KLRG1: variants seen among roughly 807,000 people sequenced by gnomAD.
KLRG1 encodes killer cell lectin-like receptor subfamily G member 1.
In KLRG1, 16 loss-of-function variants were observed where a neutral mutation model predicts 21.8. The ratio of observed to expected loss-of-function variants is 0.73; its 90% CI spans 0.50 to 1.11. The LOEUF (loss-of-function observed/expected upper bound fraction) is 1.11. Among genes scored for constraint, KLRG1 ranks in the 50% most tolerant of loss-of-function variants. The probability of loss-of-function intolerance (pLI) is 0.00; values close to 1 mark genes in which losing one functional copy is unlikely to be tolerated. For missense variants in KLRG1, 173 were observed against 218.3 expected (o/e 0.79, Z 1.31); for synonymous variants, 69 against 75.9 (o/e 0.91, Z 0.47).
At chr12:9,132,616 A>G in the KLRG1 span, among the ~76,000 whole-genome samples, 1 of 152,184 alleles carries the variant, frequency 6.6e-6, no homozygotes, top group Non-Finnish European at 1.5e-5. Flanking sequence ...CAGGGGGCTA[A>G]TTCAGTGTTC....
chr12:9,006,495 G>A (rs185617901), intron 3 of KLRG1, among the ~76,000 whole-genome samples: 1 of 152,332 alleles, frequency 6.6e-6, no homozygotes, highest in Non-Finnish European at 1.5e-5. Flanking sequence ...TGAGTAAATG[G>A]TTAGTAGGGG....
At chr12:8,959,693 G>A (rs1359953575) in intron 1 of KLRG1, among the ~76,000 whole-genome samples, 1 of 152,124 alleles carries the variant, frequency 6.6e-6, no homozygotes, top group Admixed American at 6.5e-5. Flanking sequence ...CTCTATTTAT[G>A]TAGGCCTTAA....
the KLRG1 span, among the ~76,000 whole-genome samples, chr12:9,112,974 C>G: frequency 6.6e-6 from 1 of 152,104 alleles, no homozygotes; most frequent in Non-Finnish European, 1.5e-5. Context: ...GTAATTTCTA[C>G]AATTTTTACT....
the KLRG1 span, chr12:9,069,820 A>T: frequency 6.2e-7 from 1 of 1,613,252 alleles, no homozygotes; most frequent in Non-Finnish European, 8.5e-7. Context: ...CAAGCTGAAG[A>T]AAATTGAAAT....
the KLRG1 span, among the ~76,000 whole-genome samples, chr12:9,174,345 A>G: frequency 6.6e-6 from 1 of 152,198 alleles, no homozygotes; most frequent in Non-Finnish European, 1.5e-5. Flanking sequence ...GCCATATATG[A>G]CAAACACACA....
At chr12:8,992,130 A>G (rs1376644478) in intron 1 of KLRG1, 76 bp from the exon 2 acceptor site, 2 of 1,263,356 alleles carry the variant, frequency 1.6e-6, no homozygotes, top group East Asian at 2.4e-5. Context: ...TTAAGATGCG[A>G]TATCCTTCCC....
intron 1 of KLRG1, among the ~76,000 whole-genome samples, chr12:8,973,219 C>T (rs866798582): frequency 2.7e-5 from 4 of 146,574 alleles, no homozygotes; most frequent in African/African-American, 1.0e-4. Flanking sequence ...ATAAAGATTG[C>T]ATTTAATCTG....
the KLRG1 span, among the ~76,000 whole-genome samples, chr12:9,194,698 T>C: frequency 6.6e-6 from 1 of 152,070 alleles, no homozygotes; most frequent in Admixed American, 6.5e-5. Context: ...TCGCCTGACC[T>C]CGTGATCTGC....
At chr12:9,031,292 G>A in the KLRG1 span, among the ~76,000 whole-genome samples, 617 of 152,286 alleles carry the variant, frequency 4.1e-3, 3 homozygotes, top group African/African-American at 0.014. Context: ...AAGCAATAGA[G>A]AATTCCCTTT....
At chr12:9,212,220 G>C in the KLRG1 span, among the ~76,000 whole-genome samples, 2 of 152,090 alleles carry the variant, frequency 1.3e-5, no homozygotes, top group Non-Finnish European at 2.9e-5. Flanking sequence ...TGTCCCACTG[G>C]GTCCCTGAGT....
At chr12:9,096,005 C>T in the KLRG1 span, among the ~76,000 whole-genome samples, 2 of 151,176 alleles carry the variant, frequency 1.3e-5, no homozygotes, top group Admixed American at 6.6e-5. Flanking sequence ...ATGATCCACC[C>T]GCCTCGGCCT....
At chr12:9,124,266 T>G in the KLRG1 span, among the ~76,000 whole-genome samples, 2 of 152,212 alleles carry the variant, frequency 1.3e-5, no homozygotes, top group Non-Finnish European at 2.9e-5. Context: ...GCCATAATGT[T>G]GGCTGCAGTG....
the KLRG1 span, among the ~76,000 whole-genome samples, chr12:9,176,369 G>A: frequency 6.6e-6 from 1 of 152,160 alleles, no homozygotes; most frequent in Non-Finnish European, 1.5e-5. Context: ...CCTAGGTGAT[G>A]GGTTGATCTG....
chr12:9,027,457 A>G, the KLRG1 span: 1 of 702,236 alleles, frequency 1.4e-6, no homozygotes, highest in South Asian at 1.4e-5. Flanking sequence ...GGCTGAGTTC[A>G]CAAATCTGTT....
chr12:8,999,723 T>G (rs1415752970), intron 3 of KLRG1, among the ~76,000 whole-genome samples: 1 of 152,186 alleles, frequency 6.6e-6, no homozygotes, highest in Non-Finnish European at 1.5e-5. Context: ...CTCAGTTTCC[T>G]CATGTACAAA....
chr12:9,177,285 A>T, the KLRG1 span, among the ~76,000 whole-genome samples: 1 of 152,316 alleles, frequency 6.6e-6, no homozygotes, highest in African/African-American at 2.4e-5. Context: ...ACATTGTGGG[A>T]CACCAGCAGC....
chr12:9,146,102 A>G, the KLRG1 span, among the ~76,000 whole-genome samples: 1 of 152,024 alleles, frequency 6.6e-6, no homozygotes, highest in Non-Finnish European at 1.5e-5. Context: ...TATTTCTATG[A>G]ATAAGTTTTT....
intron 1 of KLRG1, among the ~76,000 whole-genome samples, chr12:8,979,952 G>A: frequency 6.6e-6 from 1 of 152,120 alleles, no homozygotes; most frequent in Admixed American, 6.5e-5. Context: ...CCAGGCTGGA[G>A]TGCAGTAGTG....
chr12:9,124,556 G>A, the KLRG1 span, among the ~76,000 whole-genome samples: 1 of 152,238 alleles, frequency 6.6e-6, no homozygotes, highest in South Asian at 2.1e-4. Flanking sequence ...ACAAGCGGGA[G>A]ACCTGCCCAT....
Sources: gnomAD v4.1 joint callset for allele counts (sites outside exome capture counted in the v4.1 genomes callset) on GRCh38, gnomAD v4.1.1 for gene constraint, MANE v1.5 for transcripts, NCBI Gene and HGNC (gene_info 2026-07-23, HGNC 2026-07-21) for gene names.